The following STK39 variants were observed in gnomAD, a reference collection of about 807,000 sequenced individuals.
STK39 encodes serine/threonine kinase 39, also known as STE20/SPS1-related proline-alanine-rich protein kinase.
In STK39, 20 loss-of-function variants were observed where a neutral mutation model predicts 77.8. The ratio of observed to expected loss-of-function variants is 0.26; its 90% CI spans 0.18 to 0.37. The LOEUF (loss-of-function observed/expected upper bound fraction) is 0.37. Among genes scored for constraint, STK39 ranks in the 10% least tolerant of loss-of-function variants. The pLI is 1.00. For missense variants in STK39, 479 were observed against 656.5 expected (o/e 0.73, Z 2.95); for synonymous variants, 246 against 234.1 (o/e 1.05, Z -0.47).
At chr2:167,990,067 A>C (rs1559046804) in intron 16 of STK39, among the ~76,000 whole-genome samples, 1 of 152,110 alleles carries the variant, frequency 6.6e-6, no homozygotes, top group African/African-American at 2.4e-5. Flanking sequence ...AAAAAAAAAA[A>C]CTTCCTGACT....
chr2:168,014,458 T>C, intron 15 of STK39, among the ~76,000 whole-genome samples: 1 of 151,884 alleles, frequency 6.6e-6, no homozygotes. Flanking sequence ...AGTGAAACCC[T>C]GTCTATTTTT....
intron 1 of STK39, among the ~76,000 whole-genome samples, chr2:168,233,117 T>C (rs1690502780): frequency 6.6e-6 from 1 of 152,140 alleles, no homozygotes; most frequent in Non-Finnish European, 1.5e-5. Context: ...GCCAAAAATA[T>C]TACTATTCTT....
intron 10 of STK39, among the ~76,000 whole-genome samples, chr2:168,081,191 C>A (rs886466794): frequency 6.6e-6 from 1 of 152,088 alleles, no homozygotes; most frequent in African/African-American, 2.4e-5. Context: ...GCACCATGGG[C>A]CTGGAAAAGC....
In STK39 at chr2:168,092,754, C is replaced by G. The variant is rs536153641; in HGVS notation, c.1090-17523G>C. On this transcript the variant is annotated intron_variant, in intron 10 of 17. Coordinates refer to ENST00000355999, the MANE Select transcript of STK39 (RefSeq NM_013233.3). ...TAGTAAAACTAGGTATATTTGAGTA[C>G]CATCATTTTTTTTTCTTTTTCTACC... 2.6e-5 allele frequency among the ~76,000 whole-genome samples: 4 copies of G among 152,240 alleles called. 1 individual carries two copies. Among genetic ancestry groups the G allele is most frequent in the African/African-American group, 7.2e-5 (3 of 41,526 alleles).
chr2:167,983,453 CAAAAA>C (rs761596679), intron 16 of STK39, among the ~76,000 whole-genome samples: 14 of 92,174 alleles, frequency 1.5e-4, no homozygotes, highest in Admixed American at 3.7e-4. Flanking sequence ...AAACTCCATC[CAAAAA>C]AAAAAAAAAA....
chr2:168,136,524 T>G (rs1261426543), intron 8 of STK39, among the ~76,000 whole-genome samples: 2 of 152,178 alleles, frequency 1.3e-5, no homozygotes, highest in Non-Finnish European at 2.9e-5. Flanking sequence ...AACAATTTTC[T>G]TAAAAAACTG....
chr2:168,130,270 A>C (rs2105508379), intron 8 of STK39, among the ~76,000 whole-genome samples: 1 of 152,324 alleles, frequency 6.6e-6, no homozygotes, highest in Non-Finnish European at 1.5e-5. Context: ...TGCCAGGTGA[A>C]GGTAAATGCG....
At chr2:168,139,350 G>A (rs59242759) in intron 7 of STK39, among the ~76,000 whole-genome samples, 4 of 150,418 alleles carry the variant, frequency 2.7e-5, no homozygotes, top group Non-Finnish European at 5.9e-5. Context: ...AGCAAAATCC[G>A]GTATATGTAC....
intron 1 of STK39, among the ~76,000 whole-genome samples, chr2:168,185,698 C>T (rs908424576): frequency 1.3e-5 from 2 of 152,206 alleles, no homozygotes; most frequent in East Asian, 1.9e-4. Context: ...AAAATCACTA[C>T]TATTGTCAAA....
At chr2:168,076,729 T>TA (rs1338516509) in intron 10 of STK39, among the ~76,000 whole-genome samples, 1 of 152,200 alleles carries the variant, frequency 6.6e-6, no homozygotes, top group Non-Finnish European at 1.5e-5. Context: ...CCCAAATTTT[T>TA]CTTTTTAACT....
At chr2:168,083,227 CCT>C (rs1020851452) in intron 10 of STK39, among the ~76,000 whole-genome samples, 1 of 147,746 alleles carries the variant, frequency 6.8e-6, no homozygotes, top group Non-Finnish European at 1.5e-5. Context: ...TCCACATTCT[CCT>C]TTTTTTTTTT....
chr2:168,043,869 A>G (rs1685170893), intron 14 of STK39, among the ~76,000 whole-genome samples: 1 of 152,238 alleles, frequency 6.6e-6, no homozygotes. Flanking sequence ...CAGATTATCC[A>G]GTATAGAAAT....
chr2:168,033,945 G>A lies in STK39; in HGVS notation c.1377-16850C>T, dbSNP rs191405189. On this transcript the variant is annotated intron_variant, in intron 14 of 17. Coordinates refer to ENST00000355999, the MANE Select transcript of STK39 (RefSeq NM_013233.3). ...GGACAGTGCCTTCTGCAAGCACTCA[G>A]TATTAGTGAAAAAACATCAACAGCA... 1.5e-3 allele frequency among the ~76,000 whole-genome samples: 226 copies of A among 152,298 alleles called. 1 individual carries two copies. The highest frequency in any genetic ancestry group is 5.0e-3 in the African/African-American group (208 of 41,572).
At chr2:168,048,500 C>CCA (rs1559072720) in intron 14 of STK39, among the ~76,000 whole-genome samples, 4 of 137,832 alleles carry the variant, frequency 2.9e-5, no homozygotes, top group East Asian at 2.1e-4. Context: ...GTGTGAGCCA[C>CCA]CGCGCCCGGC....
chr2:168,175,892 G>T (rs1231180301), intron 2 of STK39, among the ~76,000 whole-genome samples: 1 of 152,094 alleles, frequency 6.6e-6, no homozygotes, highest in African/African-American at 2.4e-5. Context: ...AAACTAAGTG[G>T]CAAGAGACAG....
At chr2:168,051,483 A>G (rs979575765) in intron 14 of STK39, among the ~76,000 whole-genome samples, 2 of 152,202 alleles carry the variant, frequency 1.3e-5, no homozygotes, top group Non-Finnish European at 2.9e-5. Context: ...GGCTCATGAG[A>G]AAGAAGCAAT....
intron 14 of STK39, among the ~76,000 whole-genome samples, chr2:168,023,403 G>T (rs1483490962): frequency 6.6e-6 from 1 of 152,058 alleles, no homozygotes; most frequent in Non-Finnish European, 1.5e-5. Flanking sequence ...TGGCTAAGAG[G>T]CTGGTAATGC....
At chr2:168,065,718 C>G (rs1685775501) in intron 12 of STK39, among the ~76,000 whole-genome samples, 1 of 152,038 alleles carries the variant, frequency 6.6e-6, no homozygotes, top group Non-Finnish European at 1.5e-5. Flanking sequence ...ATTTGATAAC[C>G]AAAAGATGTC....
At chr2:168,033,884 G>C (rs149150600) in intron 14 of STK39, among the ~76,000 whole-genome samples, 1 of 152,138 alleles carries the variant, frequency 6.6e-6, no homozygotes, top group Non-Finnish European at 1.5e-5. Flanking sequence ...GTAGTGACAC[G>C]AACTACTTCA....
Sources: allele counts gnomAD v4.1 joint callset (sites outside exome capture counted in the v4.1 genomes callset), GRCh38; gene constraint gnomAD v4.1.1; transcripts MANE v1.5; gene names NCBI Gene and HGNC (gene_info 2026-07-23, HGNC 2026-07-21).